TCHH: variants seen among roughly 807,000 people sequenced by gnomAD.
TCHH encodes trichohyalin.
A neutral mutation model predicts 6.3 loss-of-function variants in TCHH; 6 were observed. That is an observed-to-expected ratio of 0.95 (90% CI 0.52 to 1.88). The LOEUF (loss-of-function observed/expected upper bound fraction) is 1.88. TCHH is among the 40% of genes most tolerant of loss of function. TCHH has a pLI of 0.01. For missense variants in TCHH, 2,920 were observed against 2,449.1 expected (o/e 1.19, Z -4.06); for synonymous variants, 1,087 against 963.6 (o/e 1.13, Z -2.37).
rs1403281030 is a variant in TCHH at position 152,111,550 on chromosome 1, T to C, written c.1667A>G (p.Lys556Arg). 1 of 1,584,884 alleles carries C rather than the reference T, an allele frequency of 6.3e-7. No homozygotes were observed. Among genetic ancestry groups the C allele is most frequent in the Non-Finnish European group, 8.6e-7 (1 of 1,162,658 alleles). ...CTCTCGCCTCTCCTGCTCGAGCCTC[T>C]TCTCCTCCTCGCGCTTCAGCAGCTG... Reference protein sequence around the residue: ...REQLLKREEEKRLEQERREQR... With the variant: ...REQLLKREEERRLEQERREQR... The change falls in exon 3 of 3, where the codon AAG becomes AGG. Residue 556 changes from lysine (K) to arginine (R), a missense_variant. Physicochemically the swap from Lys to Arg is conservative, Grantham distance 26. Coordinates refer to ENST00000614923, the MANE Select transcript of TCHH (RefSeq NM_007113.4).
In TCHH at chr1:152,112,829, C is replaced by CA; in HGVS notation, c.387_388insT (p.Glu130Ter). ...CTGCGTCGTTGCCCAGGTTCTTCTT[C>CA]CAGTTGTCTGTCCCGGGGCTCGAAT... is the stretch of plus-strand genomic sequence containing the variant. On this transcript the variant is annotated frameshift_variant, in exon 3 of 3. Transcript: ENST00000614923. LOFTEE classifies it low-confidence loss of function (END_TRUNC). The CA allele has an allele frequency of 6.2e-7, 1 of 1,613,962 alleles. No individual in the cohort carries two copies. The highest frequency in any genetic ancestry group is 1.1e-5 in the South Asian group (1 of 91,066).
chr1:152,109,036 T>A lies in TCHH; in HGVS notation c.4181A>T (p.Lys1394Met), dbSNP rs537695706. The stretch of plus-strand genomic sequence containing the variant: ...CTGGCAGCGCAGCTGCTGTTCCTCC[T>A]TAAGGAATTTTCTCTCCCGTTCCTG... ...RRQERERKFLKEEQQLRCQER... is the reference protein window; with the variant it reads ...RRQERERKFLMEEQQLRCQER... The change falls in exon 3 of 3, where the codon AAG (lysine) becomes ATG (methionine). Residue 1394 changes from lysine to methionine, a missense_variant. Coordinates refer to ENST00000614923, the MANE Select transcript of TCHH (RefSeq NM_007113.4). 1.9e-6 allele frequency: 3 copies of A among 1,613,720 alleles called. No homozygotes were observed. The African/African-American group carries it at 4.0e-5, about 22-fold the overall frequency.
In TCHH at chr1:152,108,403, C is replaced by T. The variant is rs763165126; in HGVS notation, c.4814G>A (p.Arg1605His). The change falls in exon 3 of 3, where the codon CGC becomes CAC. Residue 1605 changes from arginine to histidine, a missense_variant. Physicochemically the swap from Arg to His is conservative, Grantham distance 29. Coordinates refer to ENST00000614923, the MANE Select transcript of TCHH (RefSeq NM_007113.4). ...RKFMEDEQQL[R>H]RQEGQQQLRQ... is the part of the protein sequence containing the mutation. ...CAGCTGTTGTTGGCCCTCCTGGCGG[C>T]GCAGCTGCTGTTCGTCCTCCATGAA... 2.4e-5 allele frequency: 38 copies of T among 1,612,122 alleles called. No homozygotes were observed. In the East Asian group the frequency reaches 5.4e-4, roughly 23 times the overall value.
Position 152,108,752 on chromosome 1 carries a change from C to A in TCHH, c.4465G>T (p.Glu1489Ter). 6.2e-7 allele frequency: 1 copy of A among 1,609,906 alleles called. No homozygotes were observed. The highest frequency in any genetic ancestry group is 8.5e-7 in the Non-Finnish European group (1 of 1,178,870). Reference protein sequence around the residue: ...HRQERDRKFLEEEQQLRRQER... With the variant: ...HRQERDRKFL ...TGGCGGCGCAGCTGTTGTTCCTCCTCCAGGAATTTTCTGTCACGCTCTTGG... is the reference window on the plus strand; with the variant it reads ...TGGCGGCGCAGCTGTTGTTCCTCCTACAGGAATTTTCTGTCACGCTCTTGG... The change falls in exon 3 of 3, where the codon GAG (glutamate) becomes TAG (stop). Residue 1489 changes from glutamate (E) to a stop codon, truncating the protein, a stop_gained. Transcript: ENST00000614923. LOFTEE classifies it low-confidence loss of function (END_TRUNC).
chr1:152,108,936 C>T lies in TCHH; in HGVS notation c.4281G>A (p.Glu1427=). 1.2e-6 allele frequency: 2 copies of T among 1,611,506 alleles called. No individual in the cohort carries two copies. Among genetic ancestry groups the T allele is most frequent in the Non-Finnish European group, 1.7e-6 (2 of 1,179,526 alleles). ...REEEQQLSRQ[E]RDRKFREEEQ... is the part of the protein sequence containing the mutation. ...CCTCTTCACGGAATTTTCTGTCACG[C>T]TCTTGGCGGCTCAGCTGCTGTTCCT... Residue 1427 remains glutamate, a synonymous_variant, in exon 3 of 3, where the codon GAG becomes GAA. Coordinates refer to ENST00000614923, the MANE Select transcript of TCHH (RefSeq NM_007113.4).
chr1:152,108,277 T>G lies in TCHH; in HGVS notation c.4940A>C (p.Glu1647Ala). The G allele has an allele frequency of 6.2e-7, 1 of 1,613,006 alleles. No individual in the cohort carries two copies. ...CTGGCGGCGCAGCTGCGGTTCCTCC[T>G]CGAGGAATTTTCTGTCACGCTCTTG... Reference protein sequence around the residue: ...HRQERDRKFLEEEPQLRRQER... With the variant: ...HRQERDRKFLAEEPQLRRQER... The change falls in exon 3 of 3, where the codon GAG (glutamate) becomes GCG (alanine). Residue 1647 changes from glutamate (E) to alanine (A), a missense_variant. Physicochemically the swap from Glu to Ala is moderately radical, Grantham distance 107. Transcript: ENST00000614923.
In TCHH at chr1:152,110,777, C is replaced by G; in HGVS notation, c.2440G>C (p.Glu814Gln). 1 of 1,607,752 alleles carries G rather than the reference C, an allele frequency of 6.2e-7. No individual in the cohort carries two copies. ...CGGCGCCGCTGCTCCTTCTCCTCCT[C>G]CTCCGGGAGAAACCGTTGTTCCCGC... is the stretch of plus-strand genomic sequence containing the variant. ...QQREQRFLPE[E>Q]EEKEQRRRQR... Residue 814 changes from glutamate (E) to glutamine (Q), a missense_variant, in exon 3 of 3, where the codon GAG becomes CAG. By Grantham distance (29) the Glu-to-Gln change is conservative (BLOSUM62 2). Transcript: ENST00000614923.
At chr1:152,115,240 A>T (rs761080470) in intron 1 of TCHH, among the ~76,000 whole-genome samples, 151 bp downstream of exon 1, 10 of 152,350 alleles carry the variant, frequency 6.6e-5, no homozygotes, top group Middle Eastern at 3.4e-3. Flanking sequence ...AACCATAAGA[A>T]GATGGGATAG....
Position 152,106,582 on chromosome 1 carries a change from CATA to C in TCHH, c.*800_*802del, listed in dbSNP as rs1404578849. On this transcript the variant is annotated 3_prime_UTR_variant, in exon 3 of 3. Coordinates refer to ENST00000614923, the MANE Select transcript of TCHH (RefSeq NM_007113.4). Reference sequence around the variant, plus strand: ...TAACAAGCTAAAATTAACAAAGGTTCATAATATTCTGAAACTCATCAAAACTTG... The same window carrying C: ...TAACAAGCTAAAATTAACAAAGGTTCATATTCTGAAACTCATCAAAACTTG... 6.6e-6 allele frequency: 1 copy of C among 152,188 alleles called. No homozygotes were observed. The highest frequency in any genetic ancestry group is 1.5e-5 in the Non-Finnish European group (1 of 68,034). The allele number at this position is 152,188 out of a possible 1,614,324, so 9.4% of individuals were successfully genotyped here. A position where few individuals can be genotyped will look rare whatever the true frequency, so the allele number is the denominator to read the frequency against.
At position 152,111,568 on chromosome 1, in the gene TCHH, A is replaced by T; in HGVS notation, c.1649T>A (p.Leu550Gln). The change falls in exon 3 of 3, where the codon CTG becomes CAG. Residue 550 changes from leucine (L) to glutamine (Q), a missense_variant. Transcript: ENST00000614923. ...REQEERREQL[L>Q]KREEEKRLEQ... ...GAGCCTCTTCTCCTCCTCGCGCTTC[A>T]GCAGCTGCTCGCGCCTCTCCTCCTG... The T allele has an allele frequency of 6.3e-7, 1 of 1,578,672 alleles. No homozygotes were observed. Among genetic ancestry groups the T allele is most frequent in the Non-Finnish European group, 8.6e-7 (1 of 1,163,318 alleles).
At position 152,110,213 on chromosome 1, in the gene TCHH, G is replaced by A; in HGVS notation, c.3004C>T (p.Gln1002Ter). ...TTCTCCCGTTCCTCTCTCAGCAGCT[G>A]CTCTTCCTCCTGCTGCAACTCCTCT... Reference protein sequence around the residue: ...EEEELQQEEEQLLREEREKRR... With the variant: ...EEEELQQEEE Residue 1002 changes from glutamine (Q) to a stop codon, truncating the protein, a stop_gained, in exon 3 of 3, where the codon CAG (glutamine) becomes TAG (stop). Coordinates refer to ENST00000614923, the MANE Select transcript of TCHH (RefSeq NM_007113.4). LOFTEE classifies it low-confidence loss of function (END_TRUNC). The A allele has an allele frequency of 6.2e-7, 1 of 1,605,822 alleles. No homozygotes were observed. Among genetic ancestry groups the A allele is most frequent in the Non-Finnish European group, 8.5e-7 (1 of 1,177,530 alleles).
Position 152,112,775 on chromosome 1 carries a change from G to C in TCHH, c.442C>G (p.Leu148Val), listed in dbSNP as rs779965028. The change falls in exon 3 of 3, where the codon CTA (leucine) becomes GTA (valine). Residue 148 changes from leucine to valine, a missense_variant. By Grantham distance (32) the Leu-to-Val change is conservative. Transcript: ENST00000614923. ...TCACTTTGCTCCTCTCCCTCAGCTA[G>C]CTCCCTCTCCTGTTCCTGCCTCTTC... ...RQKRQEQERELAEGEEQSEKQ... is the reference protein window; with the variant it reads ...RQKRQEQEREVAEGEEQSEKQ... 3.5e-5 allele frequency: 57 copies of C among 1,613,872 alleles called. No individual in the cohort carries two copies. Among genetic ancestry groups the C allele is most frequent in the Middle Eastern group, 1.6e-4 (1 of 6,084 alleles).
chr1:152,111,444 CT>C lies in TCHH; in HGVS notation c.1772del (p.Lys591SerfsTer12), dbSNP rs1434508405. Reference protein sequence around the residue: ...REEERRQQRLKREQEERLEQR... With the variant: ...REEERRQQRLXREQEERLEQR... ...GCTCGAGCCTCTCTTCCTGCTCGCG[CT>C]TCAGCCGCTGCTGGCGCCTCTCCTC... On this transcript the variant is annotated frameshift_variant, in exon 3 of 3. Coordinates refer to ENST00000614923, the MANE Select transcript of TCHH (RefSeq NM_007113.4). LOFTEE classifies it low-confidence loss of function (END_TRUNC). 6.2e-7 allele frequency: 1 copy of C among 1,609,886 alleles called. No individual in the cohort carries two copies. Among genetic ancestry groups the C allele is most frequent in the Non-Finnish European group, 8.5e-7 (1 of 1,178,938 alleles).
rs576361900 is a variant in TCHH, at chr1:152,111,191, G to A, written c.2026C>T (p.His676Tyr). The A allele has an allele frequency of 5.6e-6, 9 of 1,606,598 alleles. No individual in the cohort carries two copies. The highest frequency in any genetic ancestry group is 1.7e-4 in the Middle Eastern group (1 of 6,020). The change falls in exon 3 of 3, where the codon CAT (histidine) becomes TAT (tyrosine). Residue 676 changes from histidine to tyrosine, a missense_variant. Physicochemically the swap from His to Tyr is moderately conservative, Grantham distance 83. Transcript: ENST00000614923. ...TCCTGCTCGCGCCTCTCTTCCTCATGCTCGCGCTTCAGCCGCTGCTCGAGC... is the reference window on the plus strand; with the variant it reads ...TCCTGCTCGCGCCTCTCTTCCTCATACTCGCGCTTCAGCCGCTGCTCGAGC... Reference protein sequence around the residue: ...ERLEQRLKREHEEERREQELA... With the variant: ...ERLEQRLKREYEEERREQELA...
rs1658385167 is a variant in TCHH at position 152,112,036 on chromosome 1, T to G, written c.1181A>C (p.Gln394Pro). The G allele has an allele frequency of 4.8e-6, 3 of 630,080 alleles. No homozygotes were observed. The highest frequency in any genetic ancestry group is 4.3e-5 in the Admixed American group (1 of 23,104). The allele number at this position is 630,080 out of a possible 1,614,324, so 39.0% of individuals were successfully genotyped here. A position where few individuals can be genotyped will look rare whatever the true frequency, so the allele number is the denominator to read the frequency against. ...RREQQLRREQ[Q>P]LRREQQLRRE... ...CCTCAGCTGCTGCTCGCGCCTCAGCTGCTGCTCGCGCCTCAGCTGCTGCTC... is the reference window on the plus strand; with the variant it reads ...CCTCAGCTGCTGCTCGCGCCTCAGCGGCTGCTCGCGCCTCAGCTGCTGCTC... Residue 394 changes from glutamine to proline, a missense_variant, in exon 3 of 3, where the codon CAG becomes CCG. Physicochemically the swap from Gln to Pro is moderately conservative, Grantham distance 76 (BLOSUM62 -1). Transcript: ENST00000614923.
rs1658128301 is a variant in TCHH, at chr1:152,107,178, G to A, written c.*207C>T. The A allele has an allele frequency of 2.2e-6, 1 of 458,964 alleles. No individual in the cohort carries two copies. The highest frequency in any genetic ancestry group is 3.8e-6 in the Non-Finnish European group (1 of 263,986). 28.4% of individuals were successfully genotyped at this position (458,964 alleles called of 1,614,324 possible). A position where few individuals can be genotyped will look rare whatever the true frequency, so the allele number is the denominator to read the frequency against. ...TCAAAGAGCAAAAGAAAGACATCTTGCAGTAAAGAACTACTTGAGGAAGAA... is the reference window on the plus strand; with the variant it reads ...TCAAAGAGCAAAAGAAAGACATCTTACAGTAAAGAACTACTTGAGGAAGAA... On this transcript the variant is annotated 3_prime_UTR_variant, in exon 3 of 3. Coordinates refer to ENST00000614923, the MANE Select transcript of TCHH (RefSeq NM_007113.4).
Position 152,112,503 on chromosome 1 carries a change from G to A in TCHH, c.714C>T (p.Phe238=), listed in dbSNP as rs186021489. ...TCCACTCTTTCTCTTCTTCCTCCTG[G>A]AACACTCTGTCTTGCCGCTCTCGCC... ...QQRRERQDRV[F]QEEEEKEWRK... Residue 238 remains phenylalanine, a synonymous_variant, in exon 3 of 3, where the codon TTC becomes TTT. Transcript: ENST00000614923. 6 of 1,612,954 alleles carry A rather than the reference G, an allele frequency of 3.7e-6. No individual in the cohort carries two copies. The South Asian group carries it at 5.5e-5, about 15-fold the overall frequency.
Position 152,108,057 on chromosome 1 carries a change from T to G in TCHH, c.5160A>C (p.Glu1720Asp), listed in dbSNP as rs368704617. 1.9e-6 allele frequency: 3 copies of G among 1,608,748 alleles called. No individual in the cohort carries two copies. The highest frequency in any genetic ancestry group is 2.5e-6 in the Non-Finnish European group (3 of 1,178,436). Residue 1720 changes from glutamate to aspartate, a missense_variant, in exon 3 of 3, where the codon GAA (glutamate) becomes GAC (aspartate). By Grantham distance (45) the Glu-to-Asp change is conservative. Transcript: ENST00000614923. ...CCTCCTCACGGAATTTTCTCTCCAG[T>G]TCCTGGCGGCGCAGCTGCTGTTCCT... is the stretch of plus-strand genomic sequence containing the variant. ...LQEEQQLRRQ[E>D]LERKFREEEQ...
chr1:152,111,177 C>T lies in TCHH; in HGVS notation c.2040G>A (p.Arg680=), dbSNP rs756234354. ...CCTCCTCAGCTAGCTCCTGCTCGCG[C>T]CTCTCTTCCTCATGCTCGCGCTTCA... is the stretch of plus-strand genomic sequence containing the variant. The part of the protein sequence containing the change: ...QRLKREHEEE[R]REQELAEEEQ... The change falls in exon 3 of 3, where the codon AGG becomes AGA. Residue 680 remains arginine (R), a synonymous_variant. Transcript: ENST00000614923. 25 of 1,613,490 alleles carry T rather than the reference C, an allele frequency of 1.5e-5. No homozygotes were observed. The South Asian group carries it at 2.0e-4, about 13-fold the overall frequency.
Sources: allele counts gnomAD v4.1 joint callset (sites outside exome capture counted in the v4.1 genomes callset), GRCh38; gene constraint gnomAD v4.1.1; transcripts MANE v1.5; gene names NCBI Gene and HGNC (gene_info 2026-07-23, HGNC 2026-07-21).